Variants in ARB2A observed in about 807,000 individuals in gnomAD.
ARB2A encodes cotranscriptional regulator ARB2A.
chr5:93,862,518 G>T, the ARB2A span: 2 of 152,024 alleles, frequency 1.3e-5, no homozygotes, highest in Admixed American at 6.6e-5. Flanking sequence ...ATCTACTTTG[G>T]GGAATAAATA....
chr5:93,845,165 T>C, the ARB2A span, among the ~76,000 whole-genome samples: 1 of 152,232 alleles, frequency 6.6e-6, no homozygotes, highest in East Asian at 1.9e-4. Flanking sequence ...TTAAGTCAGA[T>C]CATGATCCAT....
chr5:93,857,980 C>T, the ARB2A span, among the ~76,000 whole-genome samples: 1 of 152,176 alleles, frequency 6.6e-6, no homozygotes, highest in African/African-American at 2.4e-5. Context: ...CTTCACATAC[C>T]TCACTTCTTA....
At chr5:93,671,118 T>C in the ARB2A span, among the ~76,000 whole-genome samples, 3 of 152,184 alleles carry the variant, frequency 2.0e-5, no homozygotes, top group Non-Finnish European at 4.4e-5. Flanking sequence ...CAAAACAAGA[T>C]ATTTTCCATA....
At chr5:94,079,178 G>A in the ARB2A span, among the ~76,000 whole-genome samples, 1 of 152,164 alleles carries the variant, frequency 6.6e-6, no homozygotes, top group African/African-American at 2.4e-5. Flanking sequence ...TTGGACATAA[G>A]TTATACTTAC....
At chr5:93,791,941 G>GA in the ARB2A span, among the ~76,000 whole-genome samples, 77 of 145,622 alleles carry the variant, frequency 5.3e-4, 1 homozygote, top group Admixed American at 3.2e-3. Context: ...AAAAGAAAAG[G>GA]AAAAAAAAAA....
chr5:94,072,162 T>C, the ARB2A span, among the ~76,000 whole-genome samples: 1 of 152,036 alleles, frequency 6.6e-6, no homozygotes, highest in Non-Finnish European at 1.5e-5. Context: ...ATCTATAAAA[T>C]GACAAAACTA....
At chr5:93,765,826 G>A in the ARB2A span, among the ~76,000 whole-genome samples, 814 of 152,206 alleles carry the variant, frequency 5.3e-3, 12 homozygotes, top group African/African-American at 0.018. Context: ...CATGGTACTG[G>A]TACCAAAACA....
At chr5:93,640,555 GGTGT>G in the ARB2A span, among the ~76,000 whole-genome samples, 6 of 147,488 alleles carry the variant, frequency 4.1e-5, no homozygotes, top group Non-Finnish European at 7.5e-5. Context: ...TTCCTATAGG[GGTGT>G]GTGTGTGTGT....
chr5:94,046,572 A>T, the ARB2A span, among the ~76,000 whole-genome samples: 1 of 152,138 alleles, frequency 6.6e-6, no homozygotes, highest in Non-Finnish European at 1.5e-5. Context: ...CCAGTAGATA[A>T]GGCACCAGCT....
chr5:93,889,521 A>G, the ARB2A span, among the ~76,000 whole-genome samples: 1 of 151,920 alleles, frequency 6.6e-6, no homozygotes, highest in Non-Finnish European at 1.5e-5. Flanking sequence ...TGACTAGCTC[A>G]TTAAAATGCA....
chr5:93,947,666 C>T, the ARB2A span, among the ~76,000 whole-genome samples: 2 of 103,160 alleles, frequency 1.9e-5, no homozygotes, highest in Admixed American at 1.2e-4. Flanking sequence ...TCCCTCCCCC[C>T]TCCCCCCACC....
the ARB2A span, among the ~76,000 whole-genome samples, chr5:93,647,256 T>G: frequency 6.6e-6 from 1 of 152,092 alleles, no homozygotes; most frequent in African/African-American, 2.4e-5. Flanking sequence ...GACGGAGTCT[T>G]ACTCTTTCAC....
the ARB2A span, among the ~76,000 whole-genome samples, chr5:93,655,150 T>A: frequency 1.3e-5 from 2 of 152,214 alleles, no homozygotes; most frequent in African/African-American, 4.8e-5. Flanking sequence ...GAGATAATAT[T>A]TGTGAAAGGA....
chr5:93,981,712 C>G, the ARB2A span, among the ~76,000 whole-genome samples: 1 of 151,978 alleles, frequency 6.6e-6, no homozygotes, highest in South Asian at 2.1e-4. Flanking sequence ...GAAAGGGTAG[C>G]TAATATGAAC....
At chr5:93,671,661 T>C in the ARB2A span, among the ~76,000 whole-genome samples, 1 of 152,148 alleles carries the variant, frequency 6.6e-6, no homozygotes, top group Non-Finnish European at 1.5e-5. Context: ...TCCAGAATTT[T>C]TGAGATGACC....
chr5:93,838,516 T>C, the ARB2A span, among the ~76,000 whole-genome samples: 1 of 152,184 alleles, frequency 6.6e-6, no homozygotes, highest in Non-Finnish European at 1.5e-5. Context: ...TTTAAAATAG[T>C]TCTTTTTCTG....
chr5:93,859,925 A>T, the ARB2A span, among the ~76,000 whole-genome samples: 1 of 152,220 alleles, frequency 6.6e-6, no homozygotes, highest in Admixed American at 6.5e-5. Context: ...CTGACCCAAC[A>T]ATTCTACTAA....
At chr5:93,670,815 A>G in the ARB2A span, among the ~76,000 whole-genome samples, 1 of 152,236 alleles carries the variant, frequency 6.6e-6, no homozygotes, top group African/African-American at 2.4e-5. Context: ...CTGTTTATGT[A>G]TAAAAATGCA....
the ARB2A span, among the ~76,000 whole-genome samples, chr5:93,886,576 G>A: frequency 2.0e-5 from 3 of 151,590 alleles, no homozygotes; most frequent in Non-Finnish European, 4.4e-5. Flanking sequence ...TCCAAGAAGG[G>A]TATGTATATG....
Sources: gnomAD v4.1 joint callset for allele counts (sites outside exome capture counted in the v4.1 genomes callset) on GRCh38, gnomAD v4.1.1 for gene constraint, MANE v1.5 for transcripts, NCBI Gene and HGNC (gene_info 2026-07-23, HGNC 2026-07-21) for gene names.